PLA2R1: variants seen among roughly 807,000 people sequenced by gnomAD.
PLA2R1 encodes secretory phospholipase A2 receptor.
In PLA2R1, 158 loss-of-function variants were observed where a neutral mutation model predicts 195.9. The ratio of observed to expected loss-of-function variants is 0.81; its 90% CI spans 0.71 to 0.92. PLA2R1 has a LOEUF of 0.92. Ranked by LOEUF, PLA2R1 falls within the 40% of genes least tolerant of loss-of-function variation. The pLI is 0.00. For missense variants in PLA2R1, 1,626 were observed against 1,764.6 expected (o/e 0.92, Z 1.41); for synonymous variants, 586 against 598.2 (o/e 0.98, Z 0.30).
intron 20 of PLA2R1, among the ~76,000 whole-genome samples, chr2:159,958,016 C>G (rs1017896680): frequency 6.6e-6 from 1 of 152,178 alleles, no homozygotes; most frequent in Non-Finnish European, 1.5e-5. Context: ...GAAACCTACA[C>G]TTGAAAAAGC....
At chr2:160,006,233 G>A (rs924109672) in intron 10 of PLA2R1, among the ~76,000 whole-genome samples, 1 of 152,170 alleles carries the variant, frequency 6.6e-6, no homozygotes, top group African/African-American at 2.4e-5. Context: ...GAGGAGGAAA[G>A]ATATTATGCT....
chr2:159,960,262 C>T (rs1389229378), intron 20 of PLA2R1, among the ~76,000 whole-genome samples: 1 of 152,132 alleles, frequency 6.6e-6, no homozygotes, highest in Non-Finnish European at 1.5e-5. Context: ...TCTGGCTATA[C>T]ACTTTTCTAG....
Position 160,062,414 on chromosome 2 carries a change from T to G in PLA2R1, c.-11A>C, listed in dbSNP as rs577534096. The G allele has an allele frequency of 3.6e-4, 551 of 1,534,522 alleles. 5 individuals carry two copies. In the East Asian group the frequency reaches 0.011, roughly 30 times the overall value. On this transcript the variant is annotated 5_prime_UTR_variant, in exon 1 of 30. Transcript: ENST00000283243. ...CGGCGACAGCAGCATCGCTAACCAC[T>G]GGGCTCTCCGGGAGCCCCTTGTCCC...
chr2:160,035,009 T>G (rs1694087617), intron 3 of PLA2R1, among the ~76,000 whole-genome samples: 1 of 152,214 alleles, frequency 6.6e-6, no homozygotes, highest in African/African-American at 2.4e-5. Context: ...TGTATAAAAT[T>G]ACCTTCAGGC....
intron 28 of PLA2R1, among the ~76,000 whole-genome samples, chr2:159,943,811 T>C (rs1021016253): frequency 6.6e-6 from 1 of 151,560 alleles, no homozygotes; most frequent in Non-Finnish European, 1.5e-5. Context: ...TTCTTTTTTT[T>C]TTTTTTTCTC....
At chr2:159,965,565 C>T (rs982526777) in intron 20 of PLA2R1, among the ~76,000 whole-genome samples, 2 of 152,112 alleles carry the variant, frequency 1.3e-5, no homozygotes, top group East Asian at 3.8e-4. Context: ...TTGATTGCTT[C>T]CAAGTTTTGG....
intron 17 of PLA2R1, 83 bp downstream of exon 17, chr2:159,975,985 G>A (rs949452197): frequency 9.5e-6 from 9 of 949,088 alleles, no homozygotes; most frequent in African/African-American, 8.3e-5. Context: ...AAGTCAAATC[G>A]AAAAAACTAT....
chr2:159,961,223 C>T (rs944090525), intron 20 of PLA2R1, among the ~76,000 whole-genome samples: 1 of 152,180 alleles, frequency 6.6e-6, no homozygotes, highest in African/African-American at 2.4e-5. Context: ...GGGAGACATG[C>T]ATGGTGACTC....
rs1480756124 is a variant in PLA2R1 at position 159,976,685 on chromosome 2, CGT to C, written c.2435_2436del (p.Tyr812Ter). 3 of 1,599,156 alleles carry C rather than the reference CGT, an allele frequency of 1.9e-6. No individual in the cohort carries two copies. Among genetic ancestry groups the C allele is most frequent in the African/African-American group, 2.7e-5 (2 of 74,564 alleles). The stretch of plus-strand genomic sequence containing the variant: ...CAAGAGCTGCCAGAGTCATTCTTAC[CGT>C]ACTGGTACCAGAACGGAATCTTGGG... ...VKPKIPFWYQYDVPWLFYQDA... is the reference protein window; with the variant it reads ...VKPKIPFWYQXDVPWLFYQDA... On this transcript the variant is annotated frameshift_variant and splice_region_variant, in exon 16 of 30. Coordinates refer to ENST00000283243, the MANE Select transcript of PLA2R1 (RefSeq NM_007366.5). LOFTEE classifies it high-confidence loss of function.
chr2:160,059,329 C>T (rs1237924048), intron 1 of PLA2R1, among the ~76,000 whole-genome samples: 1 of 152,146 alleles, frequency 6.6e-6, no homozygotes, highest in African/African-American at 2.4e-5. Flanking sequence ...GAGTTTCAGA[C>T]CTGCCAAGTA....
At chr2:160,023,142 C>T (rs555448330) in intron 6 of PLA2R1, among the ~76,000 whole-genome samples, 25 of 152,124 alleles carry the variant, frequency 1.6e-4, no homozygotes, top group East Asian at 3.9e-4. Context: ...GCAAGATGGC[C>T]GATAGAGACA....
chr2:160,016,947 C>A (rs529918127), intron 8 of PLA2R1, among the ~76,000 whole-genome samples: 2 of 152,154 alleles, frequency 1.3e-5, no homozygotes, highest in South Asian at 4.1e-4. Flanking sequence ...AGAGAGGGAG[C>A]AACTATTAAC....
chr2:160,029,635 T>C (rs918933983), intron 4 of PLA2R1, among the ~76,000 whole-genome samples: 1 of 152,156 alleles, frequency 6.6e-6, no homozygotes, highest in South Asian at 2.1e-4. Flanking sequence ...AAAACATGCA[T>C]TGACATGCAG....
intron 11 of PLA2R1, among the ~76,000 whole-genome samples, chr2:160,002,219 T>C (rs1318965332): frequency 6.6e-6 from 1 of 151,888 alleles, no homozygotes; most frequent in African/African-American, 2.4e-5. Context: ...TGAAATCATA[T>C]TCATATTGGA....
At chr2:159,927,540 T>G (rs528003293), downstream of PLA2R1, among the ~76,000 whole-genome samples, 17 of 152,226 alleles carry the variant, frequency 1.1e-4, no homozygotes, top group Admixed American at 3.9e-4. Context: ...ATATCTCCTC[T>G]GGGGTTCCTG....
chr2:160,037,979 G>C (rs1170057775), intron 3 of PLA2R1, among the ~76,000 whole-genome samples: 1 of 152,172 alleles, frequency 6.6e-6, no homozygotes, highest in Non-Finnish European at 1.5e-5. Context: ...AACCCCAGGA[G>C]CCAGAGAAGT....
At chr2:160,061,489 T>C (rs1695946359) in intron 1 of PLA2R1, among the ~76,000 whole-genome samples, 1 of 152,162 alleles carries the variant, frequency 6.6e-6, no homozygotes, top group Admixed American at 6.5e-5. Flanking sequence ...CCTGATGTTT[T>C]CAGGCGGGGT....
chr2:159,972,772 C>T lies in PLA2R1; in HGVS notation c.2596-2560G>A, dbSNP rs114859808. ...CAAACAACTCCTAAAGTGCTTGCAG[C>T]GTTTTTTCAGCATTAATGTGATTAT... On this transcript the variant is annotated intron_variant, in intron 17 of 29. Coordinates refer to ENST00000283243, the MANE Select transcript of PLA2R1 (RefSeq NM_007366.5). Among the ~76,000 whole-genome samples the T allele has an allele frequency of 7.5e-3, 1,139 of 152,168 alleles. 13 individuals are homozygous for T. The highest frequency in any genetic ancestry group is 0.026 in the African/African-American group (1,079 of 41,506).
chr2:160,036,275 T>C (rs1694159438), intron 3 of PLA2R1, among the ~76,000 whole-genome samples: 1 of 152,242 alleles, frequency 6.6e-6, no homozygotes, highest in Admixed American at 6.5e-5. Context: ...CTTTTCCAAA[T>C]GTATATCTCC....
Sources: gnomAD v4.1 joint callset for allele counts (sites outside exome capture counted in the v4.1 genomes callset) on GRCh38, gnomAD v4.1.1 for gene constraint, MANE v1.5 for transcripts, NCBI Gene and HGNC (gene_info 2026-07-23, HGNC 2026-07-21) for gene names.